XRCC5: variants seen among roughly 807,000 people sequenced by gnomAD.
XRCC5 encodes X-ray repair cross complementing 5.
In XRCC5, 12 loss-of-function variants were observed where a neutral mutation model predicts 95.7. That is an observed-to-expected ratio of 0.13 (90% CI 0.08 to 0.20). The LOEUF (loss-of-function observed/expected upper bound fraction) is 0.20. Among genes scored for constraint, XRCC5 ranks in the 10% least tolerant of loss-of-function variants. The pLI is 1.00. For missense variants in XRCC5, 595 were observed against 873.9 expected, an observed-to-expected ratio of 0.68 and a Z score of 4.02; for synonymous variants, 281 against 290.3, an observed-to-expected ratio of 0.97 and a Z score of 0.33.
At chr2:216,125,503 G>A (rs1367286466) in intron 6 of XRCC5, among the ~76,000 whole-genome samples, 1 of 152,144 alleles carries the variant, frequency 6.6e-6, no homozygotes, top group Non-Finnish European at 1.5e-5. Context: ...GCCCTGAGCA[G>A]AAGTTCTTAT....
chr2:216,148,578 T>A (rs1378156302), intron 14 of XRCC5, among the ~76,000 whole-genome samples: 1 of 152,230 alleles, frequency 6.6e-6, no homozygotes, highest in Non-Finnish European at 1.5e-5. Context: ...TCTGAATATC[T>A]AAGGCTAAAT....
rs528022953 is a variant in XRCC5, at chr2:216,203,474, C to G, written c.2110-848C>G. Among the ~76,000 whole-genome samples, 44 of 152,286 alleles carry G rather than the reference C, an allele frequency of 2.9e-4. 2 individuals are homozygous for G. In the South Asian group the frequency reaches 9.1e-3, roughly 32 times the overall value. On this transcript the variant is annotated intron_variant, in intron 19 of 20. Transcript: ENST00000392132. The stretch of plus-strand genomic sequence containing the variant: ...CACATGCCTTGAAGGAAAAGGCTCC[C>G]CACTGCTATCCCTTGGAGGGACAGG...
At chr2:216,153,050 AATT>A (rs1255617880) in intron 14 of XRCC5, among the ~76,000 whole-genome samples, 2 of 151,998 alleles carry the variant, frequency 1.3e-5, no homozygotes, top group African/African-American at 4.8e-5. Flanking sequence ...TTACTAATCT[AATT>A]ATTATCTTTC....
In XRCC5 at chr2:216,205,081, G is replaced by A. The variant is rs374127568; in HGVS notation, c.2185-107G>A. 47 of 1,322,722 alleles carry A rather than the reference G, an allele frequency of 3.6e-5. 1 individual carries two copies. In the South Asian group the frequency reaches 5.2e-4, roughly 15 times the overall value. 81.9% of individuals were successfully genotyped at this position (1,322,722 alleles called of 1,614,324 possible). Reference sequence around the variant, plus strand: ...GCGGTGAATAAATGAGCAAGTACATGCATGCCTTCCAATGTAGAGTCATTT... The same window carrying A: ...GCGGTGAATAAATGAGCAAGTACATACATGCCTTCCAATGTAGAGTCATTT... On this transcript the variant is annotated intron_variant, in intron 20 of 20. Transcript: ENST00000392132.
At chr2:216,169,870 T>TAAA (rs57399789) in intron 16 of XRCC5, among the ~76,000 whole-genome samples, 15 of 132,832 alleles carry the variant, frequency 1.1e-4, no homozygotes, top group East Asian at 8.8e-4. Context: ...ATGGTGAAAC[T>TAAA]AAAAAAAAAA....
At chr2:216,178,962 T>C (rs1371896235) in intron 16 of XRCC5, among the ~76,000 whole-genome samples, 2 of 152,224 alleles carry the variant, frequency 1.3e-5, no homozygotes, top group African/African-American at 4.8e-5. Context: ...GTGCCAGTCA[T>C]ACCAAGATAC....
In XRCC5 at chr2:216,148,079, A is replaced by C; in HGVS notation, c.1477-4A>C. 6.3e-7 allele frequency: 1 copy of C among 1,598,278 alleles called. No individual in the cohort carries two copies. The highest frequency in any genetic ancestry group is 2.2e-5 in the East Asian group (1 of 44,624). On this transcript the variant is annotated splice_region_variant and splice_polypyrimidine_tract_variant and intron_variant, in intron 13 of 20. Transcript: ENST00000392132. ...TGTTTTAAAATCCTTACTTTTTCCA[A>C]CAGTGTCTGCTGCACAGAGCTTTAC...
intron 16 of XRCC5, among the ~76,000 whole-genome samples, chr2:216,186,650 A>G (rs1421120727): frequency 6.6e-6 from 1 of 152,154 alleles, no homozygotes; most frequent in East Asian, 1.9e-4. Context: ...GGCCCTTCCA[A>G]TGGCCATTTT....
rs550674205 is a variant in XRCC5 at position 216,139,651 on chromosome 2, T to C, written c.1342+1472T>C. 7.2e-5 allele frequency among the ~76,000 whole-genome samples: 11 copies of C among 152,182 alleles called. No homozygotes were observed. The South Asian group carries it at 1.7e-3, about 23-fold the overall frequency. ...CCTCCTAAGTAGTTGGGACTACAGG[T>C]ACGCGCCACCGTGGCTGGCTCATTT... On this transcript the variant is annotated intron_variant, in intron 12 of 20. Coordinates refer to ENST00000392132, the MANE Select transcript of XRCC5 (RefSeq NM_021141.4).
chr2:216,172,469 CTTTT>C (rs746493174), intron 16 of XRCC5, among the ~76,000 whole-genome samples: 3 of 107,798 alleles, frequency 2.8e-5, no homozygotes, highest in Admixed American at 9.8e-5. Flanking sequence ...CTTTTCTTTT[CTTTT>C]TTTTTTTTTT....
chr2:216,131,587 G>T (rs903406483), intron 9 of XRCC5, among the ~76,000 whole-genome samples: 12 of 152,020 alleles, frequency 7.9e-5, no homozygotes, highest in African/African-American at 2.9e-4. Flanking sequence ...GGGGGTGGGG[G>T]GAGAGACATG....
intron 14 of XRCC5, among the ~76,000 whole-genome samples, chr2:216,154,065 T>C (rs1243985489): frequency 1.3e-5 from 2 of 152,252 alleles, no homozygotes; most frequent in African/African-American, 2.4e-5. Context: ...GTATTATATT[T>C]ACCTCAAATC....
At chr2:216,135,495 T>G (rs748039389) in intron 10 of XRCC5, among the ~76,000 whole-genome samples, 1 of 151,898 alleles carries the variant, frequency 6.6e-6, no homozygotes, top group Non-Finnish European at 1.5e-5. Flanking sequence ...AGAGACAGTA[T>G]AGAGGTAGAA....
At chr2:216,142,664 C>T (rs1437157262) in intron 13 of XRCC5, among the ~76,000 whole-genome samples, 2 of 152,150 alleles carry the variant, frequency 1.3e-5, no homozygotes, top group Admixed American at 6.5e-5. Flanking sequence ...GGGCCCTTTT[C>T]TGCAGGTTGG....
chr2:216,109,388 G>C lies in XRCC5; in HGVS notation c.-49G>C, dbSNP rs1175650923. The C allele has an allele frequency of 1.2e-6, 2 of 1,612,680 alleles. No individual in the cohort carries two copies. Among genetic ancestry groups the C allele is most frequent in the South Asian group, 1.1e-5 (1 of 90,968 alleles). ...TCCACCGGAAGCGAGTTGCGACACG[G>C]CAGGTTCCCGCCCGGAAGAAGCGAC... On this transcript the variant is annotated 5_prime_UTR_variant, in exon 1 of 21. Transcript: ENST00000392132.
At chr2:216,190,161 A>C in intron 16 of XRCC5, 64 bp from the exon 17 acceptor site, 1 of 1,416,978 alleles carries the variant, frequency 7.1e-7, no homozygotes. Context: ...AGGCACAAAC[A>C]CAGAAGCATA....
At chr2:216,194,238 G>A (rs1260235216) in intron 18 of XRCC5, among the ~76,000 whole-genome samples, 2 of 152,118 alleles carry the variant, frequency 1.3e-5, no homozygotes, top group Non-Finnish European at 2.9e-5. Flanking sequence ...TTTCTCATCA[G>A]TGTTATAATG....
chr2:216,130,711 T>G, intron 8 of XRCC5, 164 bp from the exon 9 acceptor site: 1 of 530,018 alleles, frequency 1.9e-6, no homozygotes. Flanking sequence ...TGCTGCTGCT[T>G]TTTCACCATT....
At chr2:216,110,159 AG>A (rs1047384060) in intron 1 of XRCC5, among the ~76,000 whole-genome samples, 1 of 152,232 alleles carries the variant, frequency 6.6e-6, no homozygotes, top group African/African-American at 2.4e-5. Flanking sequence ...GTCTGGTTTC[AG>A]GGCCCTGGAG....
Sources: gnomAD v4.1 joint callset for allele counts (sites outside exome capture counted in the v4.1 genomes callset) on GRCh38, gnomAD v4.1.1 for gene constraint, MANE v1.5 for transcripts, NCBI Gene and HGNC (gene_info 2026-07-23, HGNC 2026-07-21) for gene names.